The following TPM3 variants were observed in gnomAD, a reference collection of about 807,000 sequenced individuals.
TPM3 encodes tropomyosin 3.
In TPM3, 16 loss-of-function variants were observed where a neutral mutation model predicts 43.1. The observed-to-expected ratio is 0.37, with a 90% CI of 0.25 to 0.56. The LOEUF (loss-of-function observed/expected upper bound fraction) is 0.56. Among genes scored for constraint, TPM3 ranks in the 20% least tolerant of loss-of-function variants. The pLI, the probability that TPM3 is intolerant of heterozygous loss-of-function variation, is 0.77. For synonymous variants in TPM3, 101 were observed against 116.9 expected (o/e 0.86, Z 0.88); for missense variants, 176 against 337.2 (o/e 0.52, Z 3.74).
intron 2 of TPM3, among the ~76,000 whole-genome samples, chr1:154,178,826 A>G (rs1460481382): frequency 6.6e-6 from 1 of 152,186 alleles, no homozygotes; most frequent in Non-Finnish European, 1.5e-5. Context: ...CCTTCAAGTA[A>G]TAATAGGATT....
intron 2 of TPM3, among the ~76,000 whole-genome samples, chr1:154,188,407 G>A (rs1663507887): frequency 1.3e-5 from 2 of 151,606 alleles, no homozygotes; most frequent in African/African-American, 4.9e-5. Flanking sequence ...CGGGCGCGGT[G>A]GCTCACACCT....
chr1:154,174,407 T>TATATATATATACATAC (rs1261318136), intron 3 of TPM3, among the ~76,000 whole-genome samples: 2 of 72,676 alleles, frequency 2.8e-5, no homozygotes, highest in East Asian at 5.8e-4. Flanking sequence ...TATATATATA[T>TATATATATATACATAC]ACACACAAAA....
chr1:154,158,530 A>G, downstream of TPM3: 1 of 349,140 alleles, frequency 2.9e-6, no homozygotes, highest in Non-Finnish European at 5.4e-6. Flanking sequence ...ATATCCCACA[A>G]CTTTTCTTTC....
chr1:154,169,168 A>G, intron 9 of TPM3, 137 bp downstream of exon 9: 2 of 985,174 alleles, frequency 2.0e-6, no homozygotes, highest in Admixed American at 4.0e-5. Context: ...ACAAATAACC[A>G]GCACCAATGT....
intron 2 of TPM3, among the ~76,000 whole-genome samples, chr1:154,179,146 C>T (rs1022252945): frequency 6.6e-6 from 1 of 152,212 alleles, no homozygotes; most frequent in Non-Finnish European, 1.5e-5. Context: ...TAGGCTTGAG[C>T]CCTGTGAGTA....
At chr1:154,180,292 A>C (rs1358310696) in intron 2 of TPM3, among the ~76,000 whole-genome samples, 1 of 152,190 alleles carries the variant, frequency 6.6e-6, no homozygotes, top group African/African-American at 2.4e-5. Flanking sequence ...CACTAACAGC[A>C]TGAGATACCA....
chr1:154,172,067 C>T, intron 5 of TPM3: 1 of 1,614,136 alleles, frequency 6.2e-7, no homozygotes, highest in Non-Finnish European at 8.5e-7. Flanking sequence ...AGGTTCTGGT[C>T]CATCAGTCTA....
In TPM3 at chr1:154,170,478, A is replaced by T. The variant is rs931328025; in HGVS notation, c.706-9T>A. ...TCAGCACGGGTCTCTGCCTGGGGGA[A>T]ATATGAAATTAGTCAGAACCAGAGA... On this transcript the variant is annotated splice_polypyrimidine_tract_variant and intron_variant, in intron 7 of 9. Transcript: ENST00000651641. The T allele has an allele frequency of 6.2e-7, 1 of 1,614,188 alleles. No homozygotes were observed.
intron 2 of TPM3, among the ~76,000 whole-genome samples, chr1:154,178,801 A>C (rs1474314548): frequency 6.6e-6 from 1 of 152,090 alleles, no homozygotes; most frequent in Non-Finnish European, 1.5e-5. Context: ...GATATACAGT[A>C]CTCTGTGGTT....
At chr1:154,184,787 G>A (rs1293588541) in intron 2 of TPM3, among the ~76,000 whole-genome samples, 2 of 151,984 alleles carry the variant, frequency 1.3e-5, no homozygotes, top group Admixed American at 6.6e-5. Context: ...GTGGCAGCAC[G>A]TCTGTAGTCC....
chr1:154,157,512 G>A, downstream of TPM3: 1 of 761,704 alleles, frequency 1.3e-6, no homozygotes, highest in Admixed American at 1.7e-5. Flanking sequence ...AGGAGGGGGT[G>A]GTGAAAGGAG....
rs2148219686 is a variant in TPM3 at position 154,167,357 on chromosome 1, C to T, written c.*580G>A. The T allele has an allele frequency of 3.8e-6, 4 of 1,057,644 alleles. No individual in the cohort carries two copies. The highest frequency in any genetic ancestry group is 5.4e-5 in the Admixed American group (1 of 18,590). 65.5% of individuals were successfully genotyped at this position (1,057,644 alleles called of 1,614,324 possible). A position where few individuals can be genotyped will look rare whatever the true frequency, so the allele number is the denominator to read the frequency against. On this transcript the variant is annotated 3_prime_UTR_variant, in exon 10 of 10. Transcript: ENST00000651641. ...TCTGAGGATGCACCATTTGAACCAC[C>T]GGTAAAAGGGTACAGAATGTGTATT...
At chr1:154,189,304 G>A (rs1342834652) in intron 2 of TPM3, among the ~76,000 whole-genome samples, 13 of 150,258 alleles carry the variant, frequency 8.7e-5, no homozygotes, top group African/African-American at 1.2e-4. Flanking sequence ...CCAACATGGC[G>A]AAACCCCATC....
downstream of TPM3, chr1:154,158,550 T>C (rs1660030970): frequency 1.2e-5 from 4 of 347,018 alleles, no homozygotes; most frequent in Admixed American, 9.0e-5. Flanking sequence ...CACTTCCCTT[T>C]TTTCCACCCA....
intron 2 of TPM3, among the ~76,000 whole-genome samples, chr1:154,180,504 G>C (rs576706581): frequency 6.6e-6 from 1 of 152,162 alleles, no homozygotes; most frequent in African/African-American, 2.4e-5. Flanking sequence ...TAGAAGAAAT[G>C]ATTTCATCAA....
intron 9 of TPM3, 40 bp downstream of exon 9, chr1:154,169,265 A>G (rs958799356): frequency 1.9e-6 from 3 of 1,608,004 alleles, no homozygotes; most frequent in Non-Finnish European, 1.7e-6. Flanking sequence ...ATCCACCCAC[A>G]AGCCAAGATC....
At position 154,164,437 on chromosome 1, in the gene TPM3, G is replaced by C. The variant is rs1485152173; in HGVS notation, c.*3500C>G. On this transcript the variant is annotated 3_prime_UTR_variant, in exon 10 of 10. Coordinates refer to ENST00000651641, the MANE Select transcript of TPM3 (RefSeq NM_152263.4). ...AGCCTCCTAAAGTGCAGGGATTACA[G>C]GCATGAGCCACTGCACCCGGCTAAT... Among the ~76,000 whole-genome samples the C allele has an allele frequency of 1.3e-5, 2 of 152,156 alleles. No individual in the cohort carries two copies. The highest frequency in any genetic ancestry group is 3.9e-4 in the East Asian group (2 of 5,192).
downstream of TPM3, chr1:154,157,462 G>A (rs1131578): frequency 7.0e-6 from 5 of 719,374 alleles, no homozygotes; most frequent in East Asian, 2.5e-5. Context: ...TGGATTCTCC[G>A]GGAAGAGGCA....
rs1030235906 is a variant in TPM3, at chr1:154,164,861, C to G, written c.*3076G>C. 6.6e-6 allele frequency among the ~76,000 whole-genome samples: 1 copy of G among 152,210 alleles called. No individual in the cohort carries two copies. Among genetic ancestry groups the G allele is most frequent in the Non-Finnish European group, 1.5e-5 (1 of 68,042 alleles). ...AACACCATGTTAGTGAATCACTTTG[C>G]TAATCTGCAAATTAGTTACCAAATT... On this transcript the variant is annotated 3_prime_UTR_variant, in exon 10 of 10. Coordinates refer to ENST00000651641, the MANE Select transcript of TPM3 (RefSeq NM_152263.4).
Sources: gnomAD v4.1 joint callset for allele counts (sites outside exome capture counted in the v4.1 genomes callset) on GRCh38, gnomAD v4.1.1 for gene constraint, MANE v1.5 for transcripts, NCBI Gene and HGNC (gene_info 2026-07-23, HGNC 2026-07-21) for gene names.